Variants in GOLPH3L observed in about 807,000 individuals in gnomAD.
GOLPH3L encodes golgi phosphoprotein 3 like.
A neutral mutation model predicts 30.3 loss-of-function variants in GOLPH3L; 22 were observed. The observed-to-expected ratio is 0.73, with a 90% CI of 0.52 to 1.04. The LOEUF (loss-of-function observed/expected upper bound fraction) is 1.04, where lower values mean the gene tolerates loss of function less well. Ranked by LOEUF, GOLPH3L falls within the 50% of genes least tolerant of loss-of-function variation. The pLI, the probability that GOLPH3L is intolerant of heterozygous loss-of-function variation, is 0.00. For synonymous variants in GOLPH3L, 120 were observed against 128.2 expected, an observed-to-expected ratio of 0.94 and a Z score of 0.43; for missense variants, 303 against 345.8, an observed-to-expected ratio of 0.88 and a Z score of 0.98.
intron 1 of GOLPH3L, among the ~76,000 whole-genome samples, chr1:150,695,053 T>C (rs1490194665): frequency 6.6e-6 from 1 of 152,180 alleles, no homozygotes; most frequent in Non-Finnish European, 1.5e-5. Flanking sequence ...ACTTCACAGA[T>C]GGCACTGACA....
chr1:150,653,182 A>AC (rs1423438532), intron 4 of GOLPH3L, among the ~76,000 whole-genome samples: 2 of 149,814 alleles, frequency 1.3e-5, no homozygotes, highest in Non-Finnish European at 2.9e-5. Flanking sequence ...AAACAAAAAA[A>AC]AAAAAAAAGA....
At chr1:150,676,890 T>C (rs1400290289) in intron 2 of GOLPH3L, among the ~76,000 whole-genome samples, 1 of 152,010 alleles carries the variant, frequency 6.6e-6, no homozygotes, top group East Asian at 1.9e-4. Context: ...GTGATCCACC[T>C]GCCTCAGCTT....
At chr1:150,666,761 G>A (rs1650517781) in intron 2 of GOLPH3L, among the ~76,000 whole-genome samples, 1 of 152,026 alleles carries the variant, frequency 6.6e-6, no homozygotes, top group South Asian at 2.1e-4. Flanking sequence ...TTTGTCTGGT[G>A]ATTTGTGATT....
chr1:150,658,958 C>G (rs1045659281), intron 4 of GOLPH3L, among the ~76,000 whole-genome samples: 21 of 152,120 alleles, frequency 1.4e-4, no homozygotes, highest in African/African-American at 5.1e-4. Flanking sequence ...ATTAAAAGAA[C>G]AAATATTTAA....
At chr1:150,693,023 G>C (rs1651247916) in intron 2 of GOLPH3L, among the ~76,000 whole-genome samples, 2 of 152,136 alleles carry the variant, frequency 1.3e-5, no homozygotes, top group South Asian at 4.1e-4. Context: ...CTCTTGGAGA[G>C]CTGGTTTTGC....
intron 2 of GOLPH3L, among the ~76,000 whole-genome samples, chr1:150,677,543 T>C (rs151035260): frequency 2.8e-4 from 42 of 151,750 alleles, no homozygotes; most frequent in African/African-American, 9.9e-4. Context: ...CCAGCCTACA[T>C]GTGTAATTTT....
intron 4 of GOLPH3L, among the ~76,000 whole-genome samples, chr1:150,659,943 G>C (rs147736007): frequency 6.6e-6 from 1 of 152,154 alleles, no homozygotes; most frequent in Non-Finnish European, 1.5e-5. Context: ...GCTGAGGTGG[G>C]AGGATCCTTG....
intron 4 of GOLPH3L, among the ~76,000 whole-genome samples, chr1:150,649,919 G>T (rs991380502): frequency 1.3e-5 from 2 of 152,046 alleles, no homozygotes; most frequent in African/African-American, 4.8e-5. Flanking sequence ...CCCAGGAGGC[G>T]GAGGTTTCAG....
chr1:150,671,443 T>C (rs1406926513), intron 2 of GOLPH3L, among the ~76,000 whole-genome samples: 1 of 152,134 alleles, frequency 6.6e-6, no homozygotes, highest in Non-Finnish European at 1.5e-5. Flanking sequence ...TTATTCAAAC[T>C]TCCTTGAAGA....
rs191202555 is a variant in GOLPH3L at position 150,648,286 on chromosome 1, C to T, written c.*35G>A. 3.3e-4 allele frequency: 488 copies of T among 1,456,874 alleles called. No homozygotes were observed. The highest frequency in any genetic ancestry group is 4.3e-4 in the Non-Finnish European group (454 of 1,064,202). The allele number at this position is 1,456,874 out of a possible 1,614,324, so 90.2% of individuals were successfully genotyped here. ...TGATGGGGTCTCTGACAGTCACCAG[C>T]CAGCAGGGGAAAAGGAGAAATCCAC... On this transcript the variant is annotated 3_prime_UTR_variant, in exon 5 of 5. Transcript: ENST00000271732.
rs1175095529 is a variant in GOLPH3L at position 150,693,819 on chromosome 1, G to GTA, written c.183+835_183+836dup. ...TGTATGTGTGTGTGTGTGTGTGTGT[G>GTA]TATATATATATATATATATATATAT... On this transcript the variant is annotated intron_variant, in intron 2 of 4. Transcript: ENST00000271732. 1.1e-3 allele frequency among the ~76,000 whole-genome samples: 97 copies of GTA among 86,858 alleles called. 3 individuals are homozygous for GTA. The highest frequency in any genetic ancestry group is 3.7e-3 in the African/African-American group (74 of 20,004). 57.0% of individuals were successfully genotyped at this position (86,858 alleles called of 152,430 possible). A position where few individuals can be genotyped will look rare whatever the true frequency, so the allele number is the denominator to read the frequency against.
intron 1 of GOLPH3L, among the ~76,000 whole-genome samples, chr1:150,695,126 CT>C (rs1557792017): frequency 1.3e-5 from 2 of 152,138 alleles, no homozygotes; most frequent in East Asian, 1.9e-4. Context: ...CTGTTGACTT[CT>C]TTTTTTCTTT....
rs1215449037 is a variant in GOLPH3L, at chr1:150,651,627, C to A, written c.431-2879G>T. 3.3e-5 allele frequency among the ~76,000 whole-genome samples: 4 copies of A among 122,056 alleles called. No individual in the cohort carries two copies. The East Asian group carries it at 6.9e-4, about 21-fold the overall frequency. 80.1% of individuals were successfully genotyped at this position (122,056 alleles called of 152,430 possible). ...TCACACCATTACACTCCAGCCTCAGCGACAGAGCGAAACTCAAAAAAAAAA... is the reference window on the plus strand; with the variant it reads ...TCACACCATTACACTCCAGCCTCAGAGACAGAGCGAAACTCAAAAAAAAAA... On this transcript the variant is annotated intron_variant, in intron 4 of 4. Transcript: ENST00000271732.
At position 150,648,531 on chromosome 1, in the gene GOLPH3L, C is replaced by G. The variant is rs139931222; in HGVS notation, c.648G>C (p.Gln216His). 3.0e-4 allele frequency: 492 copies of G among 1,613,930 alleles called. 4 individuals carry two copies. The East Asian group carries it at 7.8e-3, about 26-fold the overall frequency. The change falls in exon 5 of 5, where the codon CAG becomes CAC. Residue 216 changes from glutamine (Q) to histidine (H), a missense_variant. Transcript: ENST00000271732. Reference protein sequence around the residue: ...SVLERWVNDPQRMDKRTLALL... With the variant: ...SVLERWVNDPHRMDKRTLALL... ...GTGCTAGTGTTCGCTTGTCCATACG[C>G]TGAGGGTCATTTACCCACCGCTCTA...
intron 1 of GOLPH3L, 149 bp from the exon 2 acceptor site, chr1:150,694,999 A>G (rs772024750): frequency 1.9e-5 from 11 of 575,346 alleles, no homozygotes; most frequent in Non-Finnish European, 3.3e-5. Context: ...CCAGAAAAAA[A>G]TGGGTGGGTA....
rs920081374 is a variant in GOLPH3L, at chr1:150,647,784, G to A, written c.*537C>T. Reference sequence around the variant, plus strand: ...AAAAGGAAAGATGAGAAAATCACTAGCAGGATATGCAATTCCAGAGACCAT... The same window carrying A: ...AAAAGGAAAGATGAGAAAATCACTAACAGGATATGCAATTCCAGAGACCAT... On this transcript the variant is annotated 3_prime_UTR_variant, in exon 5 of 5. Coordinates refer to ENST00000271732, the MANE Select transcript of GOLPH3L (RefSeq NM_018178.6). The A allele has an allele frequency of 1.3e-5, 2 of 152,758 alleles. No homozygotes were observed. Among genetic ancestry groups the A allele is most frequent in the Non-Finnish European group, 2.9e-5 (2 of 68,172 alleles). The allele number at this position is 152,758 out of a possible 1,614,324, so 9.5% of individuals were successfully genotyped here.
chr1:150,650,843 A>AATTGTGCCCC (rs1650088101), intron 4 of GOLPH3L, among the ~76,000 whole-genome samples: 1 of 152,200 alleles, frequency 6.6e-6, no homozygotes, highest in Non-Finnish European at 1.5e-5. Flanking sequence ...ACAAAGAATA[A>AATTGTGCCCC]ATTGTGACCC....
At chr1:150,684,409 T>C (rs1651035994) in intron 2 of GOLPH3L, among the ~76,000 whole-genome samples, 1 of 152,186 alleles carries the variant, frequency 6.6e-6, no homozygotes, top group African/African-American at 2.4e-5. Flanking sequence ...TTCAAACTCC[T>C]GGGCTCAAGC....
chr1:150,685,608 A>G (rs12047790), intron 2 of GOLPH3L, among the ~76,000 whole-genome samples: 1 of 152,192 alleles, frequency 6.6e-6, no homozygotes, highest in Admixed American at 6.5e-5. Flanking sequence ...CCAGCTACTC[A>G]GGAGGCTGAG....
Sources: allele counts gnomAD v4.1 joint callset (sites outside exome capture counted in the v4.1 genomes callset), GRCh38; gene constraint gnomAD v4.1.1; transcripts MANE v1.5; gene names NCBI Gene and HGNC (gene_info 2026-07-23, HGNC 2026-07-21).